Variants in SRCAP observed in about 807,000 individuals in gnomAD.
The protein encoded by SRCAP is Snf2 related CREBBP activator protein.
A neutral mutation model predicts 263.1 loss-of-function variants in SRCAP; 46 were observed. The observed-to-expected ratio is 0.17, with a 90% CI of 0.14 to 0.22. SRCAP has a LOEUF of 0.22. Ranked by LOEUF, SRCAP falls within the 10% of genes least tolerant of loss-of-function variation. The pLI is 1.00. For synonymous variants in SRCAP, 1,813 were observed against 1,662.1 expected, an observed-to-expected ratio of 1.09 and a Z score of -2.21; for missense variants, 3,695 against 4,181.9, an observed-to-expected ratio of 0.88 and a Z score of 3.21.
intron 10 of SRCAP, 128 bp from the exon 11 acceptor site, chr16:30,711,443 C>A (rs2151288256): frequency 1.0e-6 from 1 of 955,618 alleles, no homozygotes. Context: ...AAAGTAAGCT[C>A]TTTTGCCTCC....
chr16:30,737,319 C>T lies in SRCAP; in HGVS notation c.7279C>T (p.Pro2427Ser). 1.2e-6 allele frequency: 2 copies of T among 1,614,150 alleles called. No individual in the cohort carries two copies. The highest frequency in any genetic ancestry group is 8.5e-7 in the Non-Finnish European group (1 of 1,180,042). Residue 2427 changes from proline to serine, a missense_variant, in exon 34 of 34, where the codon CCC (proline) becomes TCC (serine). Pro to Ser is a moderately conservative substitution (Grantham distance 74). Transcript: ENST00000262518. ...AHQTRSTTTP[P>S]RCSPARERVP... ...TCAAACTCGCAGCACCACCACACCA[C>T]CCCGCTGCAGTCCTGCCAGGGAGCG...
intron 26 of SRCAP, 49 bp from the exon 27 acceptor site, chr16:30,729,321 G>A (rs1050418348): frequency 1.2e-6 from 2 of 1,609,798 alleles, no homozygotes; most frequent in African/African-American, 1.3e-5. Context: ...TAACTTCTGG[G>A]GCATTTCAGA....
intron 27 of SRCAP, among the ~76,000 whole-genome samples, chr16:30,732,363 A>G (rs2053121747): frequency 6.6e-6 from 1 of 151,842 alleles, no homozygotes; most frequent in African/African-American, 2.4e-5. Flanking sequence ...AGGCAGGAAA[A>G]TTGCTTGAAT....
At chr16:30,722,065 T>C in intron 21 of SRCAP, 57 bp from the exon 22 acceptor site, 2 of 1,571,704 alleles carry the variant, frequency 1.3e-6, no homozygotes, top group Non-Finnish European at 1.7e-6. Context: ...ATGGGGTCTG[T>C]GAAGTGGTGT....
chr16:30,737,143 A>T lies in SRCAP; in HGVS notation c.7103A>T (p.Asp2368Val). 1 of 1,613,872 alleles carries T rather than the reference A, an allele frequency of 6.2e-7. No homozygotes were observed. Residue 2368 changes from aspartate (D) to valine (V), a missense_variant, in exon 34 of 34, where the codon GAT becomes GTT. By Grantham distance (152) the Asp-to-Val change is radical (BLOSUM62 -3). Around this residue, in one of 12 missense-constraint regions of SRCAP, gnomAD observed 1,207 missense variants for 1,142.9 expected, o/e 1.06. Transcript: ENST00000262518. Reference protein sequence around the residue: ...QEEEEGPGAGDESSCGTGGGT... With the variant: ...QEEEEGPGAGVESSCGTGGGT... ...GAGGAGGAGGGGCCGGGGGCTGGGG[A>T]TGAGAGTTCCTGTGGGACTGGTGGA...
rs1567254267 is a variant in SRCAP, at chr16:30,738,327, C to A, written c.8287C>A (p.Leu2763Met). Reference sequence around the variant, plus strand: ...GGTAACTGTGGTAGAGGAAAAGGAACTGGTGCGGCGGCGGCGGCAGCAGCG... The same window carrying A: ...GGTAACTGTGGTAGAGGAAAAGGAAATGGTGCGGCGGCGGCGGCAGCAGCG... ...RLVTVVEEKELVRRRRQQRGA... is the reference protein window; with the variant it reads ...RLVTVVEEKEMVRRRRQQRGA... Residue 2763 changes from leucine to methionine, a missense_variant, in exon 34 of 34, where the codon CTG (leucine) becomes ATG (methionine). Coordinates refer to ENST00000262518, the MANE Select transcript of SRCAP (RefSeq NM_006662.3). 6.3e-7 allele frequency: 1 copy of A among 1,585,228 alleles called. No individual in the cohort carries two copies. The highest frequency in any genetic ancestry group is 1.4e-5 in the African/African-American group (1 of 74,052).
chr16:30,733,888 C>T lies in SRCAP; in HGVS notation c.6495-6C>T, dbSNP rs200179054. 1.2e-6 allele frequency: 2 copies of T among 1,613,898 alleles called. No homozygotes were observed. Among genetic ancestry groups the T allele is most frequent in the African/African-American group, 1.3e-5 (1 of 75,018 alleles). On this transcript the variant is annotated splice_polypyrimidine_tract_variant and splice_region_variant and intron_variant, in intron 29 of 33. Transcript: ENST00000262518. This position sits in a 1 kb window ranked among gnomAD's most constrained non-coding sequence, Gnocchi z 5.3. ...CTGCTTACACACGGCCTTCATCACC[C>T]CCTAGGCTTATCAGTGAACGGACAG...
In SRCAP at chr16:30,722,689, C is replaced by G; in HGVS notation, c.3833C>G (p.Ser1278Trp). 6.2e-7 allele frequency: 1 copy of G among 1,613,890 alleles called. No homozygotes were observed. Among genetic ancestry groups the G allele is most frequent in the East Asian group, 2.2e-5 (1 of 44,816 alleles). Residue 1278 changes from serine (S) to tryptophan (W), a missense_variant, in exon 23 of 34, where the codon TCG (serine) becomes TGG (tryptophan). Coordinates refer to ENST00000262518, the MANE Select transcript of SRCAP (RefSeq NM_006662.3). ...GPTPVSVLPS[S>W]TPSTTPAPTG... ...ACCCCTGTCTCTGTGCTGCCTTCTT[C>G]GACCCCCAGCACCACCCCTGCCCCT... is the stretch of plus-strand genomic sequence containing the variant.
chr16:30,723,989 G>A lies in SRCAP; in HGVS notation c.4565G>A (p.Gly1522Asp), dbSNP rs144776102. Residue 1522 changes from glycine to aspartate, a missense_variant, in exon 25 of 34, where the codon GGT becomes GAT. By Grantham distance (94) the Gly-to-Asp change is moderately conservative (BLOSUM62 -1). This residue lies in a region of SRCAP where 1,347 missense variants were observed against 1,304.4 expected (regional missense o/e 1.03). Transcript: ENST00000262518. ...APSLSSSQTPGHPLLLAPTSS... is the reference protein window; with the variant it reads ...APSLSSSQTPDHPLLLAPTSS... ...TCCCTGTCTTCATCTCAGACACCTG[G>A]TCACCCTCTGTTGTTGGCTCCCACC... The A allele has an allele frequency of 1.2e-5, 20 of 1,613,942 alleles. No homozygotes were observed. Among genetic ancestry groups the A allele is most frequent in the African/African-American group, 2.7e-5 (2 of 74,874 alleles).
intron 26 of SRCAP, 39 bp from the exon 27 acceptor site, chr16:30,729,331 A>C (rs1390138213): frequency 6.2e-7 from 1 of 1,611,282 alleles, no homozygotes; most frequent in Non-Finnish European, 8.5e-7. Flanking sequence ...GGCATTTCAG[A>C]GTCCCATCTT....
intron 16 of SRCAP, among the ~76,000 whole-genome samples, chr16:30,715,727 G>T (rs2052942143): frequency 1.3e-5 from 2 of 152,000 alleles, no homozygotes; most frequent in South Asian, 4.1e-4. Flanking sequence ...TTTATCTCCT[G>T]TCAAGGCCAC....
Position 30,739,847 on chromosome 16 carries a change from G to GGGGCCTT in SRCAP, c.*115_*121dup. On this transcript the variant is annotated 3_prime_UTR_variant, in exon 34 of 34. Transcript: ENST00000262518. Reference sequence around the variant, plus strand: ...GGGGGAAAGCCTCCAGGGAGACATAGGGGCCTTCTCCCTTCTTCCCACCAA... The same window carrying GGGGCCTT: ...GGGGGAAAGCCTCCAGGGAGACATAGGGGCCTTGGGCCTTCTCCCTTCTTCCCACCAA... 1 of 1,401,428 alleles carries GGGGCCTT rather than the reference G, an allele frequency of 7.1e-7. No individual in the cohort carries two copies. Among genetic ancestry groups the GGGGCCTT allele is most frequent in the Non-Finnish European group, 9.3e-7 (1 of 1,072,450 alleles). 86.8% of individuals were successfully genotyped at this position (1,401,428 alleles called of 1,614,324 possible). A position where few individuals can be genotyped will look rare whatever the true frequency, so the allele number is the denominator to read the frequency against.
chr16:30,711,637 G>T lies in SRCAP; in HGVS notation c.1385G>T (p.Ser462Ile). ...AGAYAPGSGS[S>I]EDEDEDEVDA... ...GCCTATGCCCCAGGCTCTGGGAGCA[G>T]TGAAGATGAGGATGAAGATGAGGTT... Residue 462 changes from serine to isoleucine, a missense_variant, in exon 11 of 34, where the codon AGT (serine) becomes ATT (isoleucine). Ser to Ile is a moderately radical substitution (Grantham distance 142). Transcript: ENST00000262518. 1.2e-6 allele frequency: 2 copies of T among 1,614,128 alleles called. No homozygotes were observed. The highest frequency in any genetic ancestry group is 1.7e-6 in the Non-Finnish European group (2 of 1,180,024).
rs1210764893 is a variant in SRCAP at position 30,723,179 on chromosome 16, T to C, written c.4109T>C (p.Leu1370Pro). ...CGAGCCCCCATGCCCACACCCACTC[T>C]GGTGAGGCCTCTTCTCAAGCTGGTC... ...TARAPMPTPT[L>P]VRPLLKLVHS... The change falls in exon 24 of 34, where the codon CTG becomes CCG. Residue 1370 changes from leucine (L) to proline (P), a missense_variant. Coordinates refer to ENST00000262518, the MANE Select transcript of SRCAP (RefSeq NM_006662.3). 1 of 1,614,082 alleles carries C rather than the reference T, an allele frequency of 6.2e-7. No homozygotes were observed. The highest frequency in any genetic ancestry group is 1.1e-5 in the South Asian group (1 of 91,076).
chr16:30,710,383 C>T (rs2052874849), intron 8 of SRCAP, among the ~76,000 whole-genome samples: 1 of 152,136 alleles, frequency 6.6e-6, no homozygotes, highest in Non-Finnish European at 1.5e-5. Context: ...TGAAAAAGTA[C>T]TTCCTCTGAC....
At chr16:30,735,619 C>T (rs1424153430) in intron 31 of SRCAP, among the ~76,000 whole-genome samples, 14 of 103,020 alleles carry the variant, frequency 1.4e-4, no homozygotes, top group Admixed American at 6.4e-4. Flanking sequence ...CTTGCTCTTT[C>T]GCCCAGGCTA....
chr16:30,700,292 C>G (rs142919651), intron 2 of SRCAP, among the ~76,000 whole-genome samples: 5 of 152,182 alleles, frequency 3.3e-5, no homozygotes, highest in Admixed American at 2.6e-4. Context: ...GTCTTAACTT[C>G]GTAACTTACA....
At chr16:30,725,999 C>T (rs746839493) in intron 25 of SRCAP, 3 of 152,070 alleles carry the variant, frequency 2.0e-5, no homozygotes, top group South Asian at 2.1e-4. Flanking sequence ...AGAACCTTTC[C>T]GTGGCCCCAA....
Position 30,716,532 on chromosome 16 carries a change from C to T in SRCAP, c.2817+53C>T, listed in dbSNP as rs117002749. ...GTAAAGGTTATCGGCATTACTCCAA[C>T]CATGTACCTCTTTTCGTTAGACTGG... is the stretch of plus-strand genomic sequence containing the variant. On this transcript the variant is annotated intron_variant, in intron 18 of 33. Transcript: ENST00000262518. 3 of 1,506,186 alleles carry T rather than the reference C, an allele frequency of 2.0e-6. No homozygotes were observed. In the African/African-American group the frequency reaches 4.2e-5, roughly 21 times the overall value. The allele number at this position is 1,506,186 out of a possible 1,614,324, so 93.3% of individuals were successfully genotyped here.
Sources: allele counts gnomAD v4.1 joint callset (sites outside exome capture counted in the v4.1 genomes callset), GRCh38; gene constraint gnomAD v4.1.1; regional missense constraint gnomAD v4.1.1; non-coding constraint Gnocchi (gnomAD v3.1); transcripts MANE v1.5; gene names NCBI Gene and HGNC (gene_info 2026-07-23, HGNC 2026-07-21).